The following GRIN1 variants were observed in gnomAD, a reference collection of about 807,000 sequenced individuals.
GRIN1 encodes the protein glutamate ionotropic receptor NMDA type subunit 1, also known as glutamate receptor ionotropic, NMDA 1.
In GRIN1, 38 loss-of-function variants were observed where a neutral mutation model predicts 103.0. The ratio of observed to expected loss-of-function variants is 0.37; its 90% CI spans 0.28 to 0.48. The LOEUF (loss-of-function observed/expected upper bound fraction) is 0.48, where lower values mean the gene tolerates loss of function less well. Ranked by LOEUF, GRIN1 falls within the 20% of genes least tolerant of loss-of-function variation. The pLI is 0.98. For synonymous variants in GRIN1, 544 were observed against 532.7 expected (o/e 1.02, Z -0.29); for missense variants, 577 against 1,288.9 (o/e 0.45, Z 8.46).
At chr9:137,141,986 A>C in intron 1 of GRIN1, 27 bp from the exon 2 acceptor site, 1 of 1,613,852 alleles carries the variant, frequency 6.2e-7, no homozygotes, top group Non-Finnish European at 8.5e-7. Flanking sequence ...CCCTGACTCA[A>C]GCTGATCATG....
intron 18 of GRIN1, chr9:137,164,196 T>C (rs1027120705): frequency 2.1e-6 from 1 of 478,158 alleles, no homozygotes. Context: ...ACCCATTCCA[T>C]AGGAAGGCAA....
In GRIN1 at chr9:137,167,569, G is replaced by A; in HGVS notation, c.*42G>A. 1 of 1,360,292 alleles carries A rather than the reference G, an allele frequency of 7.4e-7. No homozygotes were observed. Among genetic ancestry groups the A allele is most frequent in the Non-Finnish European group, 9.8e-7 (1 of 1,022,314 alleles). The allele number at this position is 1,360,292 out of a possible 1,614,324, so 84.3% of individuals were successfully genotyped here. A position where few individuals can be genotyped will look rare whatever the true frequency, so the allele number is the denominator to read the frequency against. On this transcript the variant is annotated 3_prime_UTR_variant, in exon 20 of 20. Transcript: ENST00000371561. ...TCCTCTGCCCCCTCCCCCGCAGACA[G>A]ACAGACAGACGGACGGGACAGCGGC... is the stretch of plus-strand genomic sequence containing the variant.
chr9:137,161,267 G>C lies in GRIN1; in HGVS notation c.1340-22G>C, dbSNP rs773611549. ...GCGTGGGGCGGTCTGGAGCCCAGCA[G>C]TTACCGCCCGCACCTACCCAGCCCG... On this transcript the variant is annotated intron_variant, in intron 9 of 19. Transcript: ENST00000371561. The C allele has an allele frequency of 9.4e-5, 152 of 1,611,512 alleles. No individual in the cohort carries two copies. The East Asian group carries it at 3.3e-3, about 35-fold the overall frequency.
In GRIN1 at chr9:137,156,690, A is replaced by G. The variant is rs201818201; in HGVS notation, c.693A>G (p.Val231=). 14 of 1,598,906 alleles carry G rather than the reference A, an allele frequency of 8.8e-6. No homozygotes were observed. Among genetic ancestry groups the G allele is most frequent in the Non-Finnish European group, 1.2e-5 (14 of 1,173,982 alleles). The change falls in exon 5 of 20, where the codon GTA becomes GTG. Residue 231 remains valine, a synonymous_variant. Transcript: ENST00000371561. Reference sequence around the variant, plus strand: ...ACAGCGAGGACGATGCTGCCACTGTATACCGCGCAGCCGCGATGCTGAACA... The same window carrying G: ...ACAGCGAGGACGATGCTGCCACTGTGTACCGCGCAGCCGCGATGCTGAACA... ...LSASEDDAAT[V]YRAAAMLNMT...
rs953028861 is a variant in GRIN1, at chr9:137,167,629, C to T, written c.*102C>T. ...GCAGAGCCCCGGAGCACCACGGGGT[C>T]GGGGGAGGAGCACCCCCAGCCTCCC... is the stretch of plus-strand genomic sequence containing the variant. On this transcript the variant is annotated 3_prime_UTR_variant, in exon 20 of 20. Coordinates refer to ENST00000371561, the MANE Select transcript of GRIN1 (RefSeq NM_007327.4). The T allele has an allele frequency of 6.2e-5, 94 of 1,510,110 alleles. No individual in the cohort carries two copies. The highest frequency in any genetic ancestry group is 7.9e-5 in the Non-Finnish European group (89 of 1,127,694). The allele number at this position is 1,510,110 out of a possible 1,614,324, so 93.5% of individuals were successfully genotyped here. A position where few individuals can be genotyped will look rare whatever the true frequency, so the allele number is the denominator to read the frequency against.
Position 137,139,497 on chromosome 9 carries a change from T to C in GRIN1, c.11T>C (p.Met4Thr). Reference sequence around the variant, plus strand: ...CCGCGGCCCGAGCCCATGAGCACCATGCGCCTGCTGACGCTCGCCCTGCTG... The same window carrying C: ...CCGCGGCCCGAGCCCATGAGCACCACGCGCCTGCTGACGCTCGCCCTGCTG... MST[M>T]RLLTLALLFS... Residue 4 changes from methionine to threonine, a missense_variant, in exon 1 of 20, where the codon ATG (methionine) becomes ACG (threonine). Physicochemically the swap from Met to Thr is moderately conservative, Grantham distance 81 (BLOSUM62 -1). Coordinates refer to ENST00000371561, the MANE Select transcript of GRIN1 (RefSeq NM_007327.4). This position sits in a 1 kb window ranked among gnomAD's most constrained non-coding sequence, Gnocchi z 7.7. The C allele has an allele frequency of 6.3e-7, 1 of 1,595,508 alleles. No homozygotes were observed. Among genetic ancestry groups the C allele is most frequent in the Non-Finnish European group, 8.5e-7 (1 of 1,171,484 alleles).
chr9:137,158,767 C>T lies in GRIN1; in HGVS notation c.1197+63C>T. On this transcript the variant is annotated intron_variant, in intron 8 of 19. Transcript: ENST00000371561. ...CAGACAGCCCATCCACCCCCTCTGG[C>T]CTGAAGGAGGAGGGTGCGGTGAGGT... 26 of 1,232,604 alleles carry T rather than the reference C, an allele frequency of 2.1e-5. 1 individual carries two copies. In the South Asian group the frequency reaches 2.6e-4, roughly 12 times the overall value. 76.4% of individuals were successfully genotyped at this position (1,232,604 alleles called of 1,614,324 possible).
At chr9:137,144,420 C>A (rs574594007) in intron 2 of GRIN1, among the ~76,000 whole-genome samples, 1 of 150,448 alleles carries the variant, frequency 6.6e-6, no homozygotes, top group African/African-American at 2.5e-5. Context: ...TTTGGGAGGC[C>A]GAGGCGGGCG....
chr9:137,164,717 G>C (rs1370995813), intron 18 of GRIN1: 1 of 219,282 alleles, frequency 4.6e-6, no homozygotes, highest in Admixed American at 5.2e-5. Context: ...TGAGGCCAGA[G>C]TCCCGGGAGC....
intron 4 of GRIN1, among the ~76,000 whole-genome samples, chr9:137,154,176 G>C (rs1385496295): frequency 1.3e-5 from 2 of 149,644 alleles, no homozygotes; most frequent in Admixed American, 1.3e-4. Flanking sequence ...CCAGGCTGGA[G>C]TACAGTGGCA....
intron 5 of GRIN1, 22 bp from the exon 6 acceptor site, chr9:137,156,841 T>C: frequency 6.2e-7 from 1 of 1,609,052 alleles, no homozygotes; most frequent in Non-Finnish European, 8.5e-7. Context: ...CCCCACGGGC[T>C]CTGAGTCGCA....
intron 4 of GRIN1, among the ~76,000 whole-genome samples, chr9:137,150,638 GA>G (rs1211335368): frequency 2.4e-5 from 3 of 123,216 alleles, no homozygotes; most frequent in Non-Finnish European, 5.0e-5. Flanking sequence ...GCCCCGCCCA[GA>G]AAAAAGACCA....
In GRIN1 at chr9:137,156,725, C is replaced by G; in HGVS notation, c.728C>G (p.Ser243Cys). The change falls in exon 5 of 20, where the codon TCC becomes TGC. Residue 243 changes from serine to cysteine, a missense_variant. Around this residue, in one of 9 missense-constraint regions of GRIN1, gnomAD observed 308 missense variants for 553.6 expected, o/e 0.56. Transcript: ENST00000371561. ...RAAAMLNMTGSGYVWLVGERE... is the reference protein window; with the variant it reads ...RAAAMLNMTGCGYVWLVGERE... ...GCCGCGATGCTGAACATGACGGGCTCCGGGTACGTGTGGCTGGTCGGCGAG... is the reference window on the plus strand; with the variant it reads ...GCCGCGATGCTGAACATGACGGGCTGCGGGTACGTGTGGCTGGTCGGCGAG... The G allele has an allele frequency of 6.3e-7, 1 of 1,591,222 alleles. No individual in the cohort carries two copies. Among genetic ancestry groups the G allele is most frequent in the Non-Finnish European group, 8.5e-7 (1 of 1,169,886 alleles).
chr9:137,144,608 T>TTGTACCAC (rs1554766622), intron 2 of GRIN1, among the ~76,000 whole-genome samples: 6 of 148,648 alleles, frequency 4.0e-5, no homozygotes, highest in South Asian at 2.1e-4. Context: ...TGAGCCGAGA[T>TTGTACCAC]TGCACTCCAG....
chr9:137,162,816 C>T (rs1210469426), intron 14 of GRIN1, 30 bp from the exon 15 acceptor site: 2 of 1,609,800 alleles, frequency 1.2e-6, no homozygotes, highest in Non-Finnish European at 1.7e-6. Context: ...GGGGAGCCGC[C>T]GCCGCGATCC....
At chr9:137,140,523 T>G (rs1278910589) in intron 1 of GRIN1, among the ~76,000 whole-genome samples, 2 of 152,202 alleles carry the variant, frequency 1.3e-5, no homozygotes, top group African/African-American at 4.8e-5. Flanking sequence ...AATGTTACAT[T>G]AGCACACACT....
Position 137,161,990 on chromosome 9 carries a change from A to T in GRIN1, c.1534A>T (p.Met512Leu), listed in dbSNP as rs1163160072. Residue 512 changes from methionine to leucine, a missense_variant, in exon 11 of 20, where the codon ATG (methionine) becomes TTG (leucine). By Grantham distance (15) the Met-to-Leu change is conservative. Coordinates refer to ENST00000371561, the MANE Select transcript of GRIN1 (RefSeq NM_007327.4). ...MGELLSGQAD[M>L]IVAPLTINNE... Reference sequence around the variant, plus strand: ...CGAGCTGCTCAGCGGGCAGGCAGACATGATCGTGGCGCCGCTAACCATAAA... The same window carrying T: ...CGAGCTGCTCAGCGGGCAGGCAGACTTGATCGTGGCGCCGCTAACCATAAA... 1 of 1,561,358 alleles carries T rather than the reference A, an allele frequency of 6.4e-7. No homozygotes were observed. The highest frequency in any genetic ancestry group is 8.7e-7 in the Non-Finnish European group (1 of 1,152,954).
At chr9:137,140,578 A>C (rs988996731) in intron 1 of GRIN1, among the ~76,000 whole-genome samples, 1 of 152,264 alleles carries the variant, frequency 6.6e-6, no homozygotes, top group African/African-American at 2.4e-5. Flanking sequence ...GCTCATCTGC[A>C]CACATGCAGA....
chr9:137,149,664 GCTCC>G (rs1316691382), intron 4 of GRIN1, among the ~76,000 whole-genome samples: 1 of 152,190 alleles, frequency 6.6e-6, no homozygotes, highest in Non-Finnish European at 1.5e-5. Flanking sequence ...ACTGTAAAAA[GCTCC>G]CTATTTGCAA....
Sources: gnomAD v4.1 joint callset for allele counts (sites outside exome capture counted in the v4.1 genomes callset) on GRCh38, gnomAD v4.1.1 for gene constraint, gnomAD v4.1.1 regional missense constraint, Gnocchi (gnomAD v3.1) non-coding constraint, MANE v1.5 for transcripts, NCBI Gene and HGNC (gene_info 2026-07-23, HGNC 2026-07-21) for gene names.